Variants in YARS1 observed in about 807,000 individuals in gnomAD.
YARS1 encodes tyrosine--tRNA ligase, cytoplasmic.
YARS1 carries 36 observed loss-of-function variants against 62.2 expected under a neutral mutation model. That is an observed-to-expected ratio of 0.58 (90% CI 0.44 to 0.76). The LOEUF is 0.76. Among genes scored for constraint, YARS1 ranks in the 30% least tolerant of loss-of-function variants. YARS1 has a pLI of 0.00. For synonymous variants in YARS1, 234 were observed against 244.9 expected (o/e 0.96, Z 0.42); for missense variants, 524 against 639.8 (o/e 0.82, Z 1.95).
chr1:32,790,587 T>A (rs1318400333), intron 6 of YARS1: 1 of 141,540 alleles, frequency 7.1e-6, no homozygotes, highest in East Asian at 2.2e-4. Flanking sequence ...CCTAAGTTCC[T>A]CCCAGAACTA....
At chr1:32,784,569 G>A (rs926127313) in intron 8 of YARS1, among the ~76,000 whole-genome samples, 1 of 151,862 alleles carries the variant, frequency 6.6e-6, no homozygotes, top group Non-Finnish European at 1.5e-5. Flanking sequence ...AGATTTCCTT[G>A]TGAACTCCTA....
rs201652203 is a variant in YARS1, at chr1:32,782,501, G to A, written c.945C>T (p.Val315=). 46 of 1,614,062 alleles carry A rather than the reference G, an allele frequency of 2.8e-5. No individual in the cohort carries two copies. Among genetic ancestry groups the A allele is most frequent in the East Asian group, 2.5e-4 (11 of 44,868 alleles). The change falls in exon 9 of 13, where the codon GTC becomes GTT. Residue 315 remains valine (V), a synonymous_variant. Coordinates refer to ENST00000373477, the MANE Select transcript of YARS1 (RefSeq NM_003680.4). The part of the protein sequence containing the change: ...HPGDLKNSVE[V]ALNKLLDPIR... ...TTGGATCCAGCAACTTGTTCAGTGCGACTTCAACAGAATTCTTCAGGTCTC... is the reference window on the plus strand; with the variant it reads ...TTGGATCCAGCAACTTGTTCAGTGCAACTTCAACAGAATTCTTCAGGTCTC...
At chr1:32,816,953 G>C (rs1638758560) in intron 1 of YARS1, 2 of 606,522 alleles carry the variant, frequency 3.3e-6, no homozygotes, top group African/African-American at 1.9e-5. Context: ...TCAAAGTTTG[G>C]CTCCAACACA....
intron 4 of YARS1, among the ~76,000 whole-genome samples, chr1:32,798,907 G>T (rs917870280): frequency 3.3e-5 from 5 of 152,174 alleles, no homozygotes; most frequent in African/African-American, 9.7e-5. Flanking sequence ...CTCCGTGGAT[G>T]GTGAGATAAA....
intron 3 of YARS1, among the ~76,000 whole-genome samples, chr1:32,807,207 T>C (rs1313602541): frequency 6.6e-6 from 1 of 152,208 alleles, no homozygotes; most frequent in Non-Finnish European, 1.5e-5. Flanking sequence ...AAAAACACTA[T>C]GGTAACATTT....
At chr1:32,804,433 G>C (rs1428338649) in intron 4 of YARS1, among the ~76,000 whole-genome samples, 1 of 150,608 alleles carries the variant, frequency 6.6e-6, no homozygotes, top group Non-Finnish European at 1.5e-5. Context: ...CCCACCTCCC[G>C]GACGGGGCGG....
At chr1:32,816,108 CAAAAAAA>C (rs71571726) in intron 1 of YARS1, among the ~76,000 whole-genome samples, 1 of 54,106 alleles carries the variant, frequency 1.8e-5, no homozygotes, top group East Asian at 6.5e-4. Flanking sequence ...GACTCCGCCT[CAAAAAAA>C]AAAAAAAAAA....
rs566545664 is a variant in YARS1 at position 32,803,170 on chromosome 1, G to A, written c.510+3312C>T. 4.6e-5 allele frequency among the ~76,000 whole-genome samples: 7 copies of A among 151,440 alleles called. No individual in the cohort carries two copies. The East Asian group carries it at 7.8e-4, about 17-fold the overall frequency. On this transcript the variant is annotated intron_variant, in intron 4 of 12. Transcript: ENST00000373477. ...GCTAATTAATATTTTTAGTAGAGAC[G>A]GGGTTTTACTATGATGGCCAGGCTG...
At chr1:32,783,928 C>T (rs1357862600) in intron 8 of YARS1, among the ~76,000 whole-genome samples, 1 of 152,122 alleles carries the variant, frequency 6.6e-6, no homozygotes, top group East Asian at 1.9e-4. Context: ...ATATCCATCA[C>T]CACAGAAAGT....
intron 1 of YARS1, among the ~76,000 whole-genome samples, chr1:32,814,317 T>A (rs2148618158): frequency 6.6e-6 from 1 of 152,236 alleles, no homozygotes; most frequent in Admixed American, 6.5e-5. Context: ...CCAGGCCCTA[T>A]CAGATCACAC....
intron 1 of YARS1, among the ~76,000 whole-genome samples, chr1:32,813,942 A>AT (rs902414268): frequency 1.3e-5 from 2 of 151,534 alleles, no homozygotes; most frequent in Non-Finnish European, 2.9e-5. Flanking sequence ...AACTGTTCTT[A>AT]TTTTTCCTAG....
intron 3 of YARS1, 147 bp downstream of exon 3, chr1:32,810,444 G>A (rs1638558849): frequency 1.0e-6 from 1 of 993,580 alleles, no homozygotes; most frequent in Non-Finnish European, 1.6e-6. Flanking sequence ...AGGACAATGA[G>A]GTTTTAATGG....
At chr1:32,777,017 C>T (rs1052349829) in intron 12 of YARS1, among the ~76,000 whole-genome samples, 10 of 150,534 alleles carry the variant, frequency 6.6e-5, no homozygotes, top group Non-Finnish European at 7.4e-5. Flanking sequence ...GAATACTATA[C>T]AGTGCAACCC....
chr1:32,808,775 T>C (rs1012736449), intron 3 of YARS1, among the ~76,000 whole-genome samples: 2 of 152,328 alleles, frequency 1.3e-5, no homozygotes, highest in Non-Finnish European at 1.5e-5. Flanking sequence ...TCATTCAAAT[T>C]GAAACCCCCC....
chr1:32,802,400 A>G (rs1399679748), intron 4 of YARS1, among the ~76,000 whole-genome samples: 1 of 152,132 alleles, frequency 6.6e-6, no homozygotes, highest in Non-Finnish European at 1.5e-5. Context: ...AATATTCTTA[A>G]TAACACCGAG....
chr1:32,791,183 G>A lies in YARS1; in HGVS notation c.663C>T (p.Ser221=). Residue 221 remains serine, a synonymous_variant, in exon 6 of 13, where the codon AGC becomes AGT. Coordinates refer to ENST00000373477, the MANE Select transcript of YARS1 (RefSeq NM_003680.4). ...TTACCTCTTCTGAAGAGCTCATTTT[G>A]CTGCCTGTTAATCCTGGAACCATAG... is the stretch of plus-strand genomic sequence containing the variant. ...MNPMVPGLTG[S]KMSSSEEESK... 1 of 1,613,990 alleles carries A rather than the reference G, an allele frequency of 6.2e-7. No homozygotes were observed. Among genetic ancestry groups the A allele is most frequent in the Non-Finnish European group, 8.5e-7 (1 of 1,179,936 alleles).
chr1:32,792,568 A>G (rs1653444301), intron 5 of YARS1, among the ~76,000 whole-genome samples: 1 of 152,306 alleles, frequency 6.6e-6, no homozygotes, highest in East Asian at 1.9e-4. Context: ...TAAATAGACC[A>G]TGATGCCAAA....
chr1:32,811,403 C>G (rs1381271119), intron 1 of YARS1: 2 of 368,968 alleles, frequency 5.4e-6, no homozygotes, highest in Non-Finnish European at 1.0e-5. Context: ...AAAGCTATAG[C>G]CGCAGTTCCC....
At chr1:32,779,262 G>C in intron 12 of YARS1, 120 bp downstream of exon 12, 1 of 1,528,542 alleles carries the variant, frequency 6.5e-7, no homozygotes, top group Non-Finnish European at 9.0e-7. Context: ...AGGAGGGAGA[G>C]AGGGGCTCAA....
Sources: allele counts gnomAD v4.1 joint callset (sites outside exome capture counted in the v4.1 genomes callset), GRCh38; gene constraint gnomAD v4.1.1; transcripts MANE v1.5; gene names NCBI Gene and HGNC (gene_info 2026-07-23, HGNC 2026-07-21).